The following BCAS3 variants were observed in gnomAD, a reference collection of about 807,000 sequenced individuals.
BCAS3 encodes BCAS4/BCAS3 fusion.
Under a neutral mutation model 116.1 loss-of-function variants are expected in BCAS3, and 53 were observed. That is an observed-to-expected ratio of 0.46 (90% confidence interval 0.37 to 0.57). BCAS3 has a LOEUF of 0.57. Among genes scored for constraint, BCAS3 ranks in the 20% least tolerant of loss-of-function variants. The pLI is 0.00. For synonymous variants in BCAS3, 391 were observed against 408.2 expected, an observed-to-expected ratio of 0.96 and a Z score of 0.51; for missense variants, 917 against 1,165.4, an observed-to-expected ratio of 0.79 and a Z score of 3.10.
chr17:61,328,086 A>C (rs1004721173), intron 22 of BCAS3, among the ~76,000 whole-genome samples: 3 of 152,252 alleles, frequency 2.0e-5, no homozygotes, highest in African/African-American at 7.2e-5. Flanking sequence ...AAATGAAATA[A>C]TTTAATTATT....
At chr17:61,297,306 G>A (rs1241936905) in intron 22 of BCAS3, among the ~76,000 whole-genome samples, 1 of 152,196 alleles carries the variant, frequency 6.6e-6, no homozygotes, top group Non-Finnish European at 1.5e-5. Context: ...AGGAGAGAAG[G>A]TGTGTTCACT....
chr17:61,030,360 A>T (rs16944752), intron 16 of BCAS3, among the ~76,000 whole-genome samples: 7,857 of 152,126 alleles, frequency 0.052, 722 homozygotes, highest in African/African-American at 0.18. Flanking sequence ...TTTTAAGCAG[A>T]TATCATTAGA....
intron 22 of BCAS3, among the ~76,000 whole-genome samples, chr17:61,358,809 C>A (rs1327209590): frequency 1.3e-5 from 2 of 152,084 alleles, no homozygotes; most frequent in East Asian, 3.9e-4. Flanking sequence ...ATTCTTAATG[C>A]ATATTGCCAA....
chr17:61,208,012 T>C lies in BCAS3; in HGVS notation c.2425+123448T>C, dbSNP rs1279291240. The stretch of plus-strand genomic sequence containing the variant: ...GGGGAAAATTACTATTAGTCTTTTA[T>C]ATGGAAATAACAAAAAACTTAGGAG... On this transcript the variant is annotated intron_variant, in intron 22 of 23. Transcript: ENST00000407086. The surrounding 1 kb of genome is among the most constrained non-coding windows in gnomAD (Gnocchi z 4.5). 6.6e-6 allele frequency among the ~76,000 whole-genome samples: 1 copy of C among 152,204 alleles called. No homozygotes were observed. The highest frequency in any genetic ancestry group is 1.5e-5 in the Non-Finnish European group (1 of 68,034).
chr17:61,169,335 G>A (rs1480689762), intron 22 of BCAS3, among the ~76,000 whole-genome samples: 1 of 152,198 alleles, frequency 6.6e-6, no homozygotes. Context: ...AACATTTTAT[G>A]TGCCCAGTCC....
At chr17:61,003,228 C>T (rs920144823) in intron 15 of BCAS3, among the ~76,000 whole-genome samples, 10 of 151,678 alleles carry the variant, frequency 6.6e-5, no homozygotes, top group African/African-American at 1.5e-4. Context: ...CTTCTTGTTG[C>T]ATTTTTATTT....
rs557510733 is a variant in BCAS3 at position 61,315,442 on chromosome 17, G to A, written c.2426-52885G>A. Among the ~76,000 whole-genome samples, 56 of 152,266 alleles carry A rather than the reference G, an allele frequency of 3.7e-4. No homozygotes were observed. Among genetic ancestry groups the A allele is most frequent in the South Asian group, 1.7e-3 (8 of 4,814 alleles). ...CCAACGCACTCCTGTTCTGAGACACGGGAGGGCATGCAGAGCAGTCTCGGA... is the reference window on the plus strand; with the variant it reads ...CCAACGCACTCCTGTTCTGAGACACAGGAGGGCATGCAGAGCAGTCTCGGA... On this transcript the variant is annotated intron_variant, in intron 22 of 23. Transcript: ENST00000407086. The surrounding 1 kb of genome is among the most constrained non-coding windows in gnomAD (Gnocchi z 5.3).
At chr17:60,936,447 ATG>A (rs2059931070) in intron 13 of BCAS3, among the ~76,000 whole-genome samples, 1 of 152,196 alleles carries the variant, frequency 6.6e-6, no homozygotes, top group African/African-American at 2.4e-5. Context: ...GACTTCCACA[ATG>A]GTTGAACTAG....
intron 9 of BCAS3, among the ~76,000 whole-genome samples, chr17:60,882,101 T>C (rs1240289413): frequency 6.7e-6 from 1 of 149,956 alleles, no homozygotes; most frequent in East Asian, 1.9e-4. Flanking sequence ...CTCCAGCACC[T>C]GTTGTTTCCT....
chr17:61,030,860 G>C (rs563431847), intron 16 of BCAS3, among the ~76,000 whole-genome samples: 1 of 151,584 alleles, frequency 6.6e-6, no homozygotes, highest in East Asian at 1.9e-4. Flanking sequence ...TGAACATGGG[G>C]TTATGTGTGA....
rs1353486601 is a variant in BCAS3 at position 61,205,558 on chromosome 17, G to A, written c.2425+120994G>A. Among the ~76,000 whole-genome samples the A allele has an allele frequency of 6.6e-6, 1 of 152,194 alleles. No homozygotes were observed. Among genetic ancestry groups the A allele is most frequent in the Non-Finnish European group, 1.5e-5 (1 of 68,042 alleles). ...TCAAGACAGTCTCCTCAGCCATAAT[G>A]TCATTGACCTTGACATACTCAGAAC... On this transcript the variant is annotated intron_variant, in intron 22 of 23. Transcript: ENST00000407086. The surrounding 1 kb of genome is among the most constrained non-coding windows in gnomAD (Gnocchi z 5.2).
chr17:61,340,247 T>C (rs1247935369), intron 22 of BCAS3, among the ~76,000 whole-genome samples: 2 of 138,170 alleles, frequency 1.4e-5, no homozygotes, highest in Non-Finnish European at 3.0e-5. Context: ...ACTAGCATAG[T>C]GATGGCAAGA....
rs559203480 is a variant in BCAS3, at chr17:61,325,771, T to C, written c.2426-42556T>C. Among the ~76,000 whole-genome samples the C allele has an allele frequency of 2.0e-5, 3 of 151,890 alleles. No individual in the cohort carries two copies. The East Asian group carries it at 5.8e-4, about 29-fold the overall frequency. On this transcript the variant is annotated intron_variant, in intron 22 of 23. Coordinates refer to ENST00000407086, the MANE Select transcript of BCAS3 (RefSeq NM_017679.5). The surrounding 1 kb of genome is among the most constrained non-coding windows in gnomAD (Gnocchi z 6.4). ...AAGCAGGGGCTTTTTTAGGGAGGTG[T>C]TTTTGAAATGAGTGTCTCCATTTTT...
chr17:60,973,711 G>A (rs2145359433), intron 14 of BCAS3, among the ~76,000 whole-genome samples: 1 of 151,708 alleles, frequency 6.6e-6, no homozygotes, highest in African/African-American at 2.4e-5. Context: ...TCCTGCCTCA[G>A]CCTCCTGAGT....
At chr17:60,694,940 T>G (rs987474793) in intron 4 of BCAS3, among the ~76,000 whole-genome samples, 5 of 152,040 alleles carry the variant, frequency 3.3e-5, no homozygotes, top group African/African-American at 1.2e-4. Context: ...TACTTTCTGT[T>G]TCTATGATTT....
chr17:61,116,556 A>G (rs1245944534), intron 22 of BCAS3, among the ~76,000 whole-genome samples: 1 of 152,216 alleles, frequency 6.6e-6, no homozygotes, highest in Non-Finnish European at 1.5e-5. Context: ...AGCTTATAGT[A>G]TTTAACCATG....
intron 16 of BCAS3, chr17:61,016,833 A>G (rs2065488919): frequency 6.6e-6 from 1 of 152,214 alleles, no homozygotes; most frequent in Non-Finnish European, 1.5e-5. Flanking sequence ...TGTTGTGCTC[A>G]GTATTAATGT....
At chr17:61,044,872 C>T (rs1031879105) in intron 19 of BCAS3, among the ~76,000 whole-genome samples, 5 of 151,192 alleles carry the variant, frequency 3.3e-5, no homozygotes, top group South Asian at 2.1e-4. Flanking sequence ...CCTGGGTTCA[C>T]GCAATTCCCC....
intron 22 of BCAS3, among the ~76,000 whole-genome samples, chr17:61,360,637 C>T (rs2058404106): frequency 6.6e-6 from 1 of 152,200 alleles, no homozygotes; most frequent in Admixed American, 6.5e-5. Flanking sequence ...CTCTGATCCC[C>T]TCTTTTCTCT....
Sources: gnomAD v4.1 joint callset for allele counts (sites outside exome capture counted in the v4.1 genomes callset) on GRCh38, gnomAD v4.1.1 for gene constraint, Gnocchi (gnomAD v3.1) non-coding constraint, MANE v1.5 for transcripts, NCBI Gene and HGNC (gene_info 2026-07-23, HGNC 2026-07-21) for gene names.